The following PTPRD variants were observed in gnomAD, a reference collection of about 807,000 sequenced individuals.
PTPRD encodes the protein protein tyrosine phosphatase receptor type D.
Under a neutral mutation model 214.5 loss-of-function variants are expected in PTPRD, and 34 were observed. That is an observed-to-expected ratio of 0.16 (90% confidence interval 0.12 to 0.21). PTPRD has a LOEUF of 0.21. Ranked by LOEUF, PTPRD falls within the 10% of genes least tolerant of loss-of-function variation. PTPRD has a pLI of 1.00. For missense variants in PTPRD, 2,545 were observed against 2,398.7 expected, an observed-to-expected ratio of 1.06 and a Z score of -1.27; for synonymous variants, 1,128 against 845.7, an observed-to-expected ratio of 1.33 and a Z score of -5.79.
At chr9:8,455,199 G>C (rs1380099640) in intron 33 of PTPRD, among the ~76,000 whole-genome samples, 7 of 152,144 alleles carry the variant, frequency 4.6e-5, no homozygotes, top group African/African-American at 7.2e-5. Flanking sequence ...GAAGGATTAA[G>C]TGCATCTTCA....
intron 39 of PTPRD, among the ~76,000 whole-genome samples, chr9:8,349,105 A>C (rs1269827077): frequency 1.3e-5 from 2 of 152,150 alleles, no homozygotes; most frequent in African/African-American, 4.8e-5. Context: ...GATCAATAAC[A>C]CATAGGGGAA....
At chr9:9,563,017 T>A (rs2083377576) in intron 8 of PTPRD, among the ~76,000 whole-genome samples, 1 of 152,190 alleles carries the variant, frequency 6.6e-6, no homozygotes, top group Non-Finnish European at 1.5e-5. Flanking sequence ...GAATGACTAT[T>A]AGAACATTTT....
intron 10 of PTPRD, among the ~76,000 whole-genome samples, chr9:9,175,150 T>C (rs1223688577): frequency 1.3e-5 from 2 of 152,144 alleles, no homozygotes; most frequent in African/African-American, 4.8e-5. Flanking sequence ...GCTGTTTATA[T>C]GCCACCCAGT....
chr9:8,935,966 T>C (rs1644965309), intron 11 of PTPRD: 2 of 152,166 alleles, frequency 1.3e-5, no homozygotes, highest in African/African-American at 4.8e-5. Flanking sequence ...TCAGTTTTAA[T>C]ATAGCTTTGG....
intron 8 of PTPRD, among the ~76,000 whole-genome samples, chr9:9,530,870 C>T (rs2075311072): frequency 1.3e-5 from 2 of 151,840 alleles, no homozygotes; most frequent in Non-Finnish European, 2.9e-5. Context: ...TGATGGATAC[C>T]AGAGGCCAGG....
At chr9:8,707,499 C>G (rs1289169767) in intron 12 of PTPRD, among the ~76,000 whole-genome samples, 1 of 152,208 alleles carries the variant, frequency 6.6e-6, no homozygotes, top group Non-Finnish European at 1.5e-5. Context: ...TTACATTGTT[C>G]TTGGGACAAA....
rs539868465 is a variant in PTPRD at position 9,819,383 on chromosome 9, T to C, written c.-367-52532A>G. Among the ~76,000 whole-genome samples, 27 of 152,310 alleles carry C rather than the reference T, an allele frequency of 1.8e-4. No homozygotes were observed. In the Middle Eastern group the frequency reaches 0.01, roughly 58 times the overall value. ...AACTTTGGCGGAGGTTTAATAAGAA[T>C]TGCACTTTGCAGATTTGATATGATT... On this transcript the variant is annotated intron_variant, in intron 5 of 45. Transcript: ENST00000381196.
At chr9:9,264,015 C>G (rs995112172) in intron 9 of PTPRD, among the ~76,000 whole-genome samples, 1 of 151,668 alleles carries the variant, frequency 6.6e-6, no homozygotes, top group African/African-American at 2.4e-5. Context: ...AAACCCTAAC[C>G]AGTTTGTTTG....
At chr9:10,413,600 A>G (rs988729949) in intron 2 of PTPRD, among the ~76,000 whole-genome samples, 1 of 152,030 alleles carries the variant, frequency 6.6e-6, no homozygotes, top group African/African-American at 2.4e-5. Flanking sequence ...AAGAACTAGA[A>G]AAACTATTTA....
intron 12 of PTPRD, among the ~76,000 whole-genome samples, chr9:8,721,681 T>G (rs1300566078): frequency 6.6e-6 from 1 of 152,228 alleles, no homozygotes; most frequent in Non-Finnish European, 1.5e-5. Context: ...ACAGCAATCC[T>G]ATAATTATCA....
intron 2 of PTPRD, among the ~76,000 whole-genome samples, chr9:10,385,361 C>T (rs2097896750): frequency 6.6e-6 from 1 of 151,662 alleles, no homozygotes; most frequent in South Asian, 2.1e-4. Flanking sequence ...TTCTTGTAGG[C>T]TTTAGCATGT....
intron 9 of PTPRD, among the ~76,000 whole-genome samples, chr9:9,289,499 G>A (rs1400522563): frequency 6.6e-6 from 1 of 151,702 alleles, no homozygotes; most frequent in Non-Finnish European, 1.5e-5. Flanking sequence ...GTGTGTGTCT[G>A]CTCTCTTCAA....
At chr9:9,252,034 G>A (rs1432515785) in intron 9 of PTPRD, among the ~76,000 whole-genome samples, 1 of 151,776 alleles carries the variant, frequency 6.6e-6, no homozygotes, top group Admixed American at 6.6e-5. Context: ...TTTATATCTC[G>A]GCAGCTACAT....
chr9:8,576,370 T>C (rs897425736), intron 14 of PTPRD, among the ~76,000 whole-genome samples: 2 of 152,152 alleles, frequency 1.3e-5, no homozygotes, highest in African/African-American at 4.8e-5. Flanking sequence ...CTTACTGATA[T>C]TTGTGGGGAG....
At position 9,689,161 on chromosome 9, in the gene PTPRD, G is replaced by C. The variant is rs527992375; in HGVS notation, c.-287+45372C>G. Reference sequence around the variant, plus strand: ...TATAACGATAAAAATTATGGTTTTAGATTCCAATTTCACGACCAGAGACTA... The same window carrying C: ...TATAACGATAAAAATTATGGTTTTACATTCCAATTTCACGACCAGAGACTA... On this transcript the variant is annotated intron_variant, in intron 7 of 45. Coordinates refer to ENST00000381196, the MANE Select transcript of PTPRD (RefSeq NM_002839.4). Among the ~76,000 whole-genome samples, 7 of 151,838 alleles carry C rather than the reference G, an allele frequency of 4.6e-5. 1 individual carries two copies. The South Asian group carries it at 1.2e-3, about 27-fold the overall frequency.
rs1450325499 is a variant in PTPRD, at chr9:8,518,158, T to C, written c.1233A>G (p.Gln411=). 4 of 1,614,022 alleles carry C rather than the reference T, an allele frequency of 2.5e-6. No individual in the cohort carries two copies. The South Asian group carries it at 4.4e-5, about 18-fold the overall frequency. The change falls in exon 21 of 46, where the codon CAA becomes CAG. Residue 411 remains glutamine, a synonymous_variant. Coordinates refer to ENST00000381196, the MANE Select transcript of PTPRD (RefSeq NM_002839.4). The part of the protein sequence containing the change: ...RGPPSEPVLT[Q]TSEQAPSSAP... ...CACTGGATGGTGCTTGCTCTGAGGT[T>C]TGTGTTAGCACAGGTTCGCTGGGAG...
At chr9:8,886,905 C>T (rs1170458206) in intron 11 of PTPRD, among the ~76,000 whole-genome samples, 2 of 152,234 alleles carry the variant, frequency 1.3e-5, no homozygotes, top group South Asian at 2.1e-4. Flanking sequence ...CTATTTTGTT[C>T]GGTTCATGGT....
chr9:10,013,052 G>T (rs1032218476), intron 4 of PTPRD, among the ~76,000 whole-genome samples: 9 of 151,834 alleles, frequency 5.9e-5, no homozygotes, highest in Admixed American at 5.3e-4. Flanking sequence ...CACAGGAAAC[G>T]AGAAGTGGCA....
chr9:9,263,185 T>C (rs2099980888), intron 9 of PTPRD, among the ~76,000 whole-genome samples: 1 of 151,722 alleles, frequency 6.6e-6, no homozygotes, highest in Admixed American at 6.6e-5. Flanking sequence ...TCCCAATAAA[T>C]CATTCAAATT....
Sources: allele counts gnomAD v4.1 joint callset (sites outside exome capture counted in the v4.1 genomes callset), GRCh38; gene constraint gnomAD v4.1.1; transcripts MANE v1.5; gene names NCBI Gene and HGNC (gene_info 2026-07-23, HGNC 2026-07-21).